The following NOX5 variants were observed in gnomAD, a reference collection of about 807,000 sequenced individuals.
NOX5 encodes the protein NADPH oxidase, EF-hand calcium binding domain 5.
Under a neutral mutation model 85.7 loss-of-function variants are expected in NOX5, and 76 were observed. That is an observed-to-expected ratio of 0.89 (90% confidence interval 0.74 to 1.07). NOX5 has a LOEUF of 1.07. NOX5 is among the 50% of genes least tolerant of loss of function. NOX5 has a pLI of 0.00. For synonymous variants in NOX5, 405 were observed against 401.4 expected (o/e 1.01, Z -0.11); for missense variants, 973 against 999.5 (o/e 0.97, Z 0.36).
Position 69,033,124 on chromosome 15 carries a change from C to T in NOX5, c.702C>T (p.Asn234=), listed in dbSNP as rs2050462389. 6.4e-7 allele frequency: 1 copy of T among 1,562,136 alleles called. No homozygotes were observed. The highest frequency in any genetic ancestry group is 1.3e-5 in the African/African-American group (1 of 74,218). Reference sequence around the variant, plus strand: ...AGCTGACCCGCGCCTACTGGCACAACCACCGCAGCCAGCTGTTCTGCCTGG... The same window carrying T: ...AGCTGACCCGCGCCTACTGGCACAATCACCGCAGCCAGCTGTTCTGCCTGG... ...PRQLTRAYWH[N]HRSQLFCLAT... is the part of the protein sequence containing the mutation. The change falls in exon 5 of 16, where the codon AAC becomes AAT. Residue 234 remains asparagine (N), a synonymous_variant. Coordinates refer to ENST00000388866, the MANE Select transcript of NOX5 (RefSeq NM_024505.4).
intron 10 of NOX5, chr15:69,043,392 A>G (rs1359561206): frequency 6.6e-6 from 1 of 152,612 alleles, no homozygotes; most frequent in Non-Finnish European, 1.5e-5. Context: ...AGAAATAAGA[A>G]TAGACGCTGA....
intron 4 of NOX5, 62 bp from the exon 5 acceptor site, chr15:69,032,981 T>G: frequency 6.6e-7 from 1 of 1,514,194 alleles, no homozygotes; most frequent in Non-Finnish European, 8.7e-7. Flanking sequence ...GGTCTTTAAG[T>G]TAAGACACAG....
chr15:69,034,311 C>T (rs548021454), intron 5 of NOX5, among the ~76,000 whole-genome samples: 11 of 152,014 alleles, frequency 7.2e-5, no homozygotes, highest in Non-Finnish European at 1.0e-4. Flanking sequence ...TGGGATGTTT[C>T]GATACATGCA....
intron 7 of NOX5, 106 bp downstream of exon 7, chr15:69,036,042 G>C: frequency 6.9e-7 from 1 of 1,458,810 alleles, no homozygotes; most frequent in Non-Finnish European, 9.3e-7. Context: ...GTCCCAAGCT[G>C]GTCTGCATAT....
Position 69,055,519 on chromosome 15 carries a change from C to T in NOX5, c.2166+19C>T, listed in dbSNP as rs1238555510. ...GAGCAAGGTAATGCCAACTGGAGCCCTGCAGCTTGCAGGTATGGATGAAGC... is the reference window on the plus strand; with the variant it reads ...GAGCAAGGTAATGCCAACTGGAGCCTTGCAGCTTGCAGGTATGGATGAAGC... On this transcript the variant is annotated intron_variant, in intron 15 of 15. Coordinates refer to ENST00000388866, the MANE Select transcript of NOX5 (RefSeq NM_024505.4). 1 of 1,610,950 alleles carries T rather than the reference C, an allele frequency of 6.2e-7. No homozygotes were observed. The highest frequency in any genetic ancestry group is 2.2e-5 in the East Asian group (1 of 44,800).
At chr15:69,041,800 C>T (rs577455085) in intron 9 of NOX5, among the ~76,000 whole-genome samples, 11 of 152,264 alleles carry the variant, frequency 7.2e-5, no homozygotes, top group East Asian at 5.8e-4. Context: ...GGGCCCAGGA[C>T]GGCTTTGAAT....
chr15:69,062,222 C>T lies in NOX5; in HGVS notation c.*5526C>T, dbSNP rs1288217863. 1 of 152,062 alleles carries T rather than the reference C, an allele frequency of 6.6e-6. No homozygotes were observed. The highest frequency in any genetic ancestry group is 1.9e-4 in the East Asian group (1 of 5,130). 9.4% of individuals were successfully genotyped at this position (152,062 alleles called of 1,614,324 possible). A position where few individuals can be genotyped will look rare whatever the true frequency, so the allele number is the denominator to read the frequency against. On this transcript the variant is annotated 3_prime_UTR_variant, in exon 16 of 16. Coordinates refer to ENST00000388866, the MANE Select transcript of NOX5 (RefSeq NM_024505.4). Reference sequence around the variant, plus strand: ...CCACTGGCCCTGCCTTGGTTCAGTCCTTAAATTGCCTATTGCCTGAATTGG... The same window carrying T: ...CCACTGGCCCTGCCTTGGTTCAGTCTTTAAATTGCCTATTGCCTGAATTGG...
At chr15:69,026,777 C>A in intron 2 of NOX5, 126 bp downstream of exon 2, 2 of 1,315,922 alleles carry the variant, frequency 1.5e-6, no homozygotes, top group Non-Finnish European at 2.1e-6. Flanking sequence ...TTGTAGCGGG[C>A]TGGCGGGATG....
At chr15:69,044,686 G>A (rs1403646514) in intron 10 of NOX5, among the ~76,000 whole-genome samples, 1 of 152,188 alleles carries the variant, frequency 6.6e-6, no homozygotes, top group Non-Finnish European at 1.5e-5. Context: ...ATGTAAAAGT[G>A]TTGTGTATGT....
chr15:69,020,383 T>C (rs975262560), intron 1 of NOX5, among the ~76,000 whole-genome samples: 8 of 152,192 alleles, frequency 5.3e-5, no homozygotes, highest in Admixed American at 1.3e-4. Context: ...AAATTTCCTA[T>C]AATTTCTGCT....
intron 10 of NOX5, 99 bp downstream of exon 10, chr15:69,042,904 G>A: frequency 7.6e-7 from 1 of 1,309,540 alleles, no homozygotes; most frequent in Non-Finnish European, 1.1e-6. Flanking sequence ...TTGAGCAACT[G>A]CTGTGTACAT....
At chr15:69,020,600 T>C (rs1464925135) in intron 1 of NOX5, among the ~76,000 whole-genome samples, 1 of 151,626 alleles carries the variant, frequency 6.6e-6, no homozygotes, top group Non-Finnish European at 1.5e-5. Context: ...GCTAATAAGA[T>C]AGATGGTAAA....
chr15:69,017,001 C>T (rs1487402839), intron 1 of NOX5, among the ~76,000 whole-genome samples: 1 of 152,136 alleles, frequency 6.6e-6, no homozygotes, highest in African/African-American at 2.4e-5. Context: ...TGTGGGATTA[C>T]TGATAGAACA....
chr15:69,056,772 G>A lies in NOX5; in HGVS notation c.*76G>A. ...TGCATTAGTATAAATGCCCCCACAG[G>A]GACCAGCCTCAGATGACCCACCCAA... On this transcript the variant is annotated 3_prime_UTR_variant, in exon 16 of 16. Transcript: ENST00000388866. The A allele has an allele frequency of 1.0e-5, 16 of 1,555,738 alleles. No homozygotes were observed. The highest frequency in any genetic ancestry group is 1.9e-5 in the Admixed American group (1 of 53,678).
rs1331854584 is a variant in NOX5 at position 69,045,544 on chromosome 15, C to CTTTCTTTCTTTCTT, written c.1648-1276_1648-1263dup. Among the ~76,000 whole-genome samples, 7 of 119,186 alleles carry CTTTCTTTCTTTCTT rather than the reference C, an allele frequency of 5.9e-5. 1 individual carries two copies. Among genetic ancestry groups the CTTTCTTTCTTTCTT allele is most frequent in the Middle Eastern group, 7.8e-3 (2 of 258 alleles). The allele number at this position is 119,186 out of a possible 152,430, so 78.2% of individuals were successfully genotyped here. A position where few individuals can be genotyped will look rare whatever the true frequency, so the allele number is the denominator to read the frequency against. On this transcript the variant is annotated intron_variant, in intron 10 of 15. Coordinates refer to ENST00000388866, the MANE Select transcript of NOX5 (RefSeq NM_024505.4). ...CTTTCTCTTCCTTTCTTTTTTCTTTCTTTCTTTCTTTCTTTCTTTCTTTCT... is the reference window on the plus strand; with the variant it reads ...CTTTCTCTTCCTTTCTTTTTTCTTTCTTTCTTTCTTTCTTTTTCTTTCTTTCTTTCTTTCTTTCT...
chr15:69,049,144 T>G, intron 14 of NOX5, 86 bp downstream of exon 14: 1 of 664,722 alleles, frequency 1.5e-6, no homozygotes, highest in Non-Finnish European at 2.4e-6. Flanking sequence ...GATATGAAAC[T>G]CACGTAACCT....
Position 69,035,419 on chromosome 15 carries a change from G to A in NOX5, c.921G>A (p.Leu307=), listed in dbSNP as rs1460956430. The change falls in exon 6 of 16, where the codon CTG becomes CTA. Residue 307 remains leucine (L), a synonymous_variant. Transcript: ENST00000388866. Reference sequence around the variant, plus strand: ...CGTGGCTGGCTCAAGTCCTACCACTGGACCAGAACATCCAGTTCCACCAGC... The same window carrying A: ...CGTGGCTGGCTCAAGTCCTACCACTAGACCAGAACATCCAGTTCCACCAGC... The part of the protein sequence containing the change: ...RATWLAQVLP[L]DQNIQFHQLM... 6.2e-6 allele frequency: 10 copies of A among 1,614,090 alleles called. No homozygotes were observed. The highest frequency in any genetic ancestry group is 1.1e-5 in the South Asian group (1 of 91,086).
intron 9 of NOX5, among the ~76,000 whole-genome samples, chr15:69,040,194 T>C (rs1158430000): frequency 6.6e-6 from 1 of 152,238 alleles, no homozygotes; most frequent in Non-Finnish European, 1.5e-5. Context: ...AATTGTGCCC[T>C]CAATGTACCA....
intron 9 of NOX5, among the ~76,000 whole-genome samples, 153 bp from the exon 10 acceptor site, chr15:69,042,510 G>T (rs1338294030): frequency 1.3e-5 from 2 of 152,188 alleles, no homozygotes; most frequent in Non-Finnish European, 2.9e-5. Flanking sequence ...CAAGTCCTGT[G>T]GCTATGGCTG....
Sources: gnomAD v4.1 joint callset for allele counts (sites outside exome capture counted in the v4.1 genomes callset) on GRCh38, gnomAD v4.1.1 for gene constraint, MANE v1.5 for transcripts, NCBI Gene and HGNC (gene_info 2026-07-23, HGNC 2026-07-21) for gene names.